The following ASL variants were observed in gnomAD, a reference collection of about 807,000 sequenced individuals.
ASL encodes the protein argininosuccinate lyase, also known as argininosuccinase.
In ASL, 51 loss-of-function variants were observed where a neutral mutation model predicts 69.1. The observed-to-expected ratio is 0.74, with a 90% CI of 0.59 to 0.93. ASL has a LOEUF of 0.93. Ranked by LOEUF, ASL falls within the 40% of genes least tolerant of loss-of-function variation. The pLI is 0.00. For missense variants in ASL, 540 were observed against 623.9 expected (o/e 0.87, Z 1.43); for synonymous variants, 241 against 247.6 (o/e 0.97, Z 0.25).
At chr7:66,091,511 G>A (rs573079369) in intron 14 of ASL, among the ~76,000 whole-genome samples, 1 of 152,304 alleles carries the variant, frequency 6.6e-6, no homozygotes, top group East Asian at 1.9e-4. Flanking sequence ...AGAGAGCCAG[G>A]ATTGTGCCAT....
Position 66,082,914 on chromosome 7 carries a change from C to T in ASL, c.326C>T (p.Thr109Met), listed in dbSNP as rs146123574. 21 of 1,613,672 alleles carry T rather than the reference C, an allele frequency of 1.3e-5. No individual in the cohort carries two copies. The highest frequency in any genetic ancestry group is 8.8e-5 in the South Asian group (8 of 91,068). Residue 109 changes from threonine to methionine, a missense_variant, in exon 5 of 17, where the codon ACG becomes ATG. By Grantham distance (81) the Thr-to-Met change is moderately conservative (BLOSUM62 -1). Transcript: ENST00000304874. ...LIGATAGKLH[T>M]GRSRNDQVVT... is the part of the protein sequence containing the mutation. ...GGTGCAACGGCAGGGAAGCTGCACA[C>T]GGGACGGAGCCGGAATGACCAGGTG...
intron 10 of ASL, 114 bp from the exon 11 acceptor site, chr7:66,088,693 C>A: frequency 1.1e-6 from 1 of 885,184 alleles, no homozygotes; most frequent in South Asian, 1.4e-5. Context: ...CCCATCTTTG[C>A]GAAAAATGAA....
intron 8 of ASL, 171 bp from the exon 9 acceptor site, chr7:66,087,163 C>G (rs1365929540): frequency 2.0e-5 from 15 of 759,340 alleles, no homozygotes; most frequent in Non-Finnish European, 3.1e-5. Flanking sequence ...ATTCTGTACC[C>G]AAGGAGACTG....
intron 2 of ASL, 51 bp from the exon 3 acceptor site, chr7:66,081,752 A>G (rs376108729): frequency 2.0e-5 from 31 of 1,574,032 alleles, no homozygotes; most frequent in Non-Finnish European, 2.5e-5. Flanking sequence ...TGCAAGAAGC[A>G]CTGTTCTGGA....
rs757101256 is a variant in ASL, at chr7:66,088,883, C to T, written c.795C>T (p.Thr265=). The T allele has an allele frequency of 5.0e-6, 8 of 1,613,938 alleles. No individual in the cohort carries two copies. The highest frequency in any genetic ancestry group is 6.8e-6 in the Non-Finnish European group (8 of 1,180,012). ...CCGAGGACCTCATCCTCTACTGCAC[C>T]AAGGAATTCAGCTTCGTGCAGCTCT... ...RMAEDLILYC[T]KEFSFVQLSD... The change falls in exon 11 of 17, where the codon ACC becomes ACT. Residue 265 remains threonine (T), a synonymous_variant. Coordinates refer to ENST00000304874, the MANE Select transcript of ASL (RefSeq NM_000048.4).
chr7:66,082,070 A>T, intron 3 of ASL, 73 bp downstream of exon 3: 2 of 1,528,622 alleles, frequency 1.3e-6, no homozygotes, highest in South Asian at 1.2e-5. Flanking sequence ...ATCCCTGAGC[A>T]AACAGTGCAG....
chr7:66,093,292 A>G lies in ASL; in HGVS notation c.*380A>G. On this transcript the variant is annotated 3_prime_UTR_variant, in exon 17 of 17. Transcript: ENST00000304874. ...ATCACGCCACTGCATTCCAGCCTGG[A>G]TAACAGAGTGAGAACCTATCTCTAA... is the stretch of plus-strand genomic sequence containing the variant. The G allele has an allele frequency of 2.9e-6, 1 of 342,950 alleles. No individual in the cohort carries two copies. Among genetic ancestry groups the G allele is most frequent in the Non-Finnish European group, 5.7e-6 (1 of 176,838 alleles). 21.2% of individuals were successfully genotyped at this position (342,950 alleles called of 1,614,324 possible).
rs189297259 is a variant in ASL, at chr7:66,083,673, G to A, written c.446+499G>A. Among the ~76,000 whole-genome samples, 302 of 150,742 alleles carry A rather than the reference G, an allele frequency of 2.0e-3. 2 individuals carry two copies. The highest frequency in any genetic ancestry group is 7.2e-3 in the African/African-American group (295 of 40,990). ...CACTCCAGCCTGGGCTACAGAGCGAGACTCCTGTCTCAAAAAAAAAGAAAA... is the reference window on the plus strand; with the variant it reads ...CACTCCAGCCTGGGCTACAGAGCGAAACTCCTGTCTCAAAAAAAAAGAAAA... On this transcript the variant is annotated intron_variant, in intron 6 of 16. Coordinates refer to ENST00000304874, the MANE Select transcript of ASL (RefSeq NM_000048.4).
chr7:66,086,605 C>T lies in ASL; in HGVS notation c.467C>T (p.Pro156Leu), dbSNP rs769017508. The T allele has an allele frequency of 6.2e-6, 10 of 1,613,754 alleles. No individual in the cohort carries two copies. Among genetic ancestry groups the T allele is most frequent in the East Asian group, 2.2e-5 (1 of 44,884 alleles). Reference sequence around the variant, plus strand: ...CACAGGGAACGTGATGTTCTCTTCCCGGGGTACACCCATTTGCAGAGGGCC... The same window carrying T: ...CACAGGGAACGTGATGTTCTCTTCCTGGGGTACACCCATTTGCAGAGGGCC... ...RAEAERDVLF[P>L]GYTHLQRAQP... Residue 156 changes from proline (P) to leucine (L), a missense_variant, in exon 7 of 17, where the codon CCG (proline) becomes CTG (leucine). Transcript: ENST00000304874.
chr7:66,089,743 G>A, intron 14 of ASL, 48 bp downstream of exon 14: 1 of 1,599,416 alleles, frequency 6.3e-7, no homozygotes. Flanking sequence ...CCAGGCACTG[G>A]GGTGGGCATG....
intron 6 of ASL, among the ~76,000 whole-genome samples, chr7:66,084,773 C>T (rs1429605442): frequency 1.3e-5 from 2 of 152,132 alleles, no homozygotes; most frequent in Admixed American, 6.6e-5. Flanking sequence ...GTGCCCACCA[C>T]CACGCCCGGC....
rs1312699116 is a variant in ASL at position 66,087,766 on chromosome 7, T to C, written c.693T>C (p.Asp231=). Residue 231 remains aspartate (D), a synonymous_variant, in exon 10 of 17, where the codon GAT becomes GAC. Coordinates refer to ENST00000304874, the MANE Select transcript of ASL (RefSeq NM_000048.4). ...NFGAITLNSM[D]ATSERDFVAE... ...GGGCCATCACTCTCAACAGCATGGA[T>C]GCCACTAGTGAGCGGGACTTTGTGG... 6 of 1,614,136 alleles carry C rather than the reference T, an allele frequency of 3.7e-6. No individual in the cohort carries two copies. The highest frequency in any genetic ancestry group is 5.1e-6 in the Non-Finnish European group (6 of 1,180,028).
intron 15 of ASL, 90 bp downstream of exon 15, chr7:66,092,176 G>C: frequency 1.4e-6 from 2 of 1,474,482 alleles, no homozygotes; most frequent in Non-Finnish European, 1.9e-6. Context: ...AAGCGGCCCA[G>C]CCTGGTGGCT....
chr7:66,084,232 T>A (rs950924154), intron 6 of ASL, among the ~76,000 whole-genome samples: 2 of 151,664 alleles, frequency 1.3e-5, no homozygotes, highest in Non-Finnish European at 2.9e-5. Flanking sequence ...CTATCTGAGC[T>A]AACTGCAAAC....
intron 8 of ASL, 100 bp downstream of exon 8, chr7:66,086,921 G>T (rs747550684): frequency 3.7e-6 from 5 of 1,355,834 alleles, no homozygotes; most frequent in Admixed American, 2.0e-5. Flanking sequence ...ACAGAAAACC[G>T]CCTTATCTGC....
intron 14 of ASL, among the ~76,000 whole-genome samples, chr7:66,089,994 T>C (rs1045462272): frequency 6.6e-6 from 1 of 152,156 alleles, no homozygotes; most frequent in African/African-American, 2.4e-5. Flanking sequence ...ATCTCACACT[T>C]TGGGAGGCCG....
chr7:66,087,104 G>T, intron 8 of ASL: 1 of 647,308 alleles, frequency 1.5e-6, no homozygotes, highest in Non-Finnish European at 2.7e-6. Flanking sequence ...TGCACCCAGG[G>T]TGACTTAGTG....
At chr7:66,091,957 C>G (rs760127494) in intron 14 of ASL, 49 bp from the exon 15 acceptor site, 1 of 1,605,144 alleles carries the variant, frequency 6.2e-7, no homozygotes, top group African/African-American at 1.3e-5. Flanking sequence ...CTGGCAGCTT[C>G]AGATCCCAGG....
Position 66,092,538 on chromosome 7 carries a change from C to T in ASL, c.1144-19C>T, listed in dbSNP as rs1476525906. 2 of 1,602,422 alleles carry T rather than the reference C, an allele frequency of 1.2e-6. No individual in the cohort carries two copies. Among genetic ancestry groups the T allele is most frequent in the African/African-American group, 2.7e-5 (2 of 74,794 alleles). On this transcript the variant is annotated intron_variant, in intron 15 of 16. Coordinates refer to ENST00000304874, the MANE Select transcript of ASL (RefSeq NM_000048.4). ...ATGGAGAAACCTGCCTCAGCGCCAT[C>T]TTCCTCCCTGGCACCCAGATGCCAT...
Sources: allele counts gnomAD v4.1 joint callset (sites outside exome capture counted in the v4.1 genomes callset), GRCh38; gene constraint gnomAD v4.1.1; transcripts MANE v1.5; gene names NCBI Gene and HGNC (gene_info 2026-07-23, HGNC 2026-07-21).